FGF10: variants seen among roughly 807,000 people sequenced by gnomAD.
FGF10 encodes FGF-10.
In FGF10, 2 loss-of-function variants were observed where a neutral mutation model predicts 19.8. That is an observed-to-expected ratio of 0.10 (90% CI 0.04 to 0.32). The LOEUF (loss-of-function observed/expected upper bound fraction) is 0.32. FGF10 is among the 10% of genes least tolerant of loss of function. The pLI is 1.00. For missense variants in FGF10, 191 were observed against 246.3 expected (o/e 0.78, Z 1.50); for synonymous variants, 112 against 94.0 (o/e 1.19, Z -1.10).
In FGF10 at chr5:44,354,002, A is replaced by G. The variant is rs946196333; in HGVS notation, c.325+34356T>C. Among the ~76,000 whole-genome samples, 8 of 151,610 alleles carry G rather than the reference A, an allele frequency of 5.3e-5. No individual in the cohort carries two copies. The East Asian group carries it at 1.4e-3, about 26-fold the overall frequency. The stretch of plus-strand genomic sequence containing the variant: ...TTGGTAGCAATACAACCAAGTAATA[A>G]TATAAAGATAGAGTAAGATAGTGAA... On this transcript the variant is annotated intron_variant, in intron 1 of 2. Coordinates refer to ENST00000264664, the MANE Select transcript of FGF10 (RefSeq NM_004465.2).
At chr5:44,328,363 A>T (rs1179887005) in intron 1 of FGF10, among the ~76,000 whole-genome samples, 1 of 152,192 alleles carries the variant, frequency 6.6e-6, no homozygotes. Flanking sequence ...CAAGATACTT[A>T]TTTATCAGAT....
rs770003641 is a variant in FGF10 at position 44,388,345 on chromosome 5, A to G, written c.325+13T>C. On this transcript the variant is annotated intron_variant, in intron 1 of 2. Coordinates refer to ENST00000264664, the MANE Select transcript of FGF10 (RefSeq NM_004465.2). ...GATAATTGGAAGGAGGGGAGCATGC[A>G]TTTGTTACTTACTGTACGGGCAGTT... The G allele has an allele frequency of 1.2e-5, 20 of 1,611,840 alleles. No individual in the cohort carries two copies. The East Asian group carries it at 4.0e-4, about 32-fold the overall frequency.
intron 1 of FGF10, among the ~76,000 whole-genome samples, chr5:44,358,930 C>T (rs1488720512): frequency 6.6e-6 from 1 of 151,474 alleles, no homozygotes; most frequent in Non-Finnish European, 1.5e-5. Flanking sequence ...GGATTACCCT[C>T]CTAAAATAAA....
At chr5:44,376,684 A>G (rs1741875463) in intron 1 of FGF10, among the ~76,000 whole-genome samples, 1 of 151,878 alleles carries the variant, frequency 6.6e-6, no homozygotes, top group African/African-American at 2.4e-5. Context: ...AATCAGAAAT[A>G]TGAAGAATAA....
intron 1 of FGF10, among the ~76,000 whole-genome samples, chr5:44,369,677 A>G (rs1741702369): frequency 6.6e-6 from 1 of 152,130 alleles, no homozygotes; most frequent in Admixed American, 6.5e-5. Context: ...TACAAGAGTG[A>G]GCTGAAAACT....
chr5:44,355,042 T>C (rs905191085), intron 1 of FGF10, among the ~76,000 whole-genome samples: 1 of 151,530 alleles, frequency 6.6e-6, no homozygotes, highest in Non-Finnish European at 1.5e-5. Flanking sequence ...TCTCTTCGCA[T>C]GTACCTAGTC....
At chr5:44,339,852 T>C (rs1229591474) in intron 1 of FGF10, among the ~76,000 whole-genome samples, 1 of 152,176 alleles carries the variant, frequency 6.6e-6, no homozygotes. Flanking sequence ...TTCCTATCAA[T>C]GTCCATCTCT....
At chr5:44,356,849 A>G (rs1318596506) in intron 1 of FGF10, among the ~76,000 whole-genome samples, 1 of 151,334 alleles carries the variant, frequency 6.6e-6, no homozygotes, top group African/African-American at 2.4e-5. Context: ...AGGCAGCCTT[A>G]TCAAACTGAT....
At chr5:44,347,228 T>TA (rs756069393) in intron 1 of FGF10, among the ~76,000 whole-genome samples, 7 of 151,740 alleles carry the variant, frequency 4.6e-5, no homozygotes, top group African/African-American at 7.2e-5. Context: ...GCGTCCTCCC[T>TA]ATGCTTCCTG....
rs1739976557 is a variant in FGF10 at position 44,302,086 on chromosome 5, T to G, written c.*2909A>C. On this transcript the variant is annotated 3_prime_UTR_variant, in exon 3 of 3. Coordinates refer to ENST00000264664, the MANE Select transcript of FGF10 (RefSeq NM_004465.2). ...TCTCAATAGCTCCAATTTTTTTTTT[T>G]TTCAAATCTACAACATTCAGGGCTG... 6.6e-6 allele frequency among the ~76,000 whole-genome samples: 1 copy of G among 152,040 alleles called. No individual in the cohort carries two copies.
chr5:44,336,487 C>T (rs1740855381), intron 1 of FGF10, among the ~76,000 whole-genome samples: 1 of 152,280 alleles, frequency 6.6e-6, no homozygotes, highest in Non-Finnish European at 1.5e-5. Context: ...AATCATATCA[C>T]TTCATTTCCC....
At chr5:44,357,232 C>A (rs1225177180) in intron 1 of FGF10, among the ~76,000 whole-genome samples, 1 of 151,370 alleles carries the variant, frequency 6.6e-6, no homozygotes, top group Admixed American at 6.6e-5. Context: ...AGGGGCCATA[C>A]CAGTGATCTA....
intron 1 of FGF10, among the ~76,000 whole-genome samples, chr5:44,344,568 C>CTCTGTGTGTGTGTGTGTGTGTG (rs1554037820): frequency 6.3e-5 from 8 of 126,790 alleles, no homozygotes; most frequent in Non-Finnish European, 8.1e-5. Context: ...TTTGTTTTCT[C>CTCTGTGTGTGTGTGTGTGTGTG]TGTGTGTGTG....
At chr5:44,368,268 T>C (rs542089054) in intron 1 of FGF10, among the ~76,000 whole-genome samples, 1 of 152,236 alleles carries the variant, frequency 6.6e-6, no homozygotes, top group South Asian at 2.1e-4. Context: ...AATTGATGGA[T>C]GGCATTTTTC....
intron 1 of FGF10, among the ~76,000 whole-genome samples, chr5:44,344,568 C>CTCTCTGTGTGTGTG (rs1554037820): frequency 5.5e-5 from 7 of 126,854 alleles, no homozygotes; most frequent in African/African-American, 2.1e-4. Flanking sequence ...TTTGTTTTCT[C>CTCTCTGTGTGTGTG]TGTGTGTGTG....
At chr5:44,316,358 T>C (rs528137234) in intron 1 of FGF10, among the ~76,000 whole-genome samples, 1 of 152,298 alleles carries the variant, frequency 6.6e-6, no homozygotes, top group African/African-American at 2.4e-5. Context: ...ATATATTTAC[T>C]GTGTGCTCAA....
intron 1 of FGF10, among the ~76,000 whole-genome samples, chr5:44,381,778 TA>T (rs1480038776): frequency 6.6e-6 from 1 of 152,200 alleles, no homozygotes; most frequent in Non-Finnish European, 1.5e-5. Context: ...AATACCTTTT[TA>T]AAAAAGTTCT....
In FGF10 at chr5:44,310,462, A is replaced by C; in HGVS notation, c.394T>G (p.Leu132Val). Reference protein sequence around the residue: ...AVKAINSNYYLAMNKKGKLYG... With the variant: ...AVKAINSNYYVAMNKKGKLYG... The stretch of plus-strand genomic sequence containing the variant: ...AGTTTCCCCTTCTTGTTCATGGCTA[A>C]GTAATAGTTGCTGTTAATGGCTTTG... Residue 132 changes from leucine to valine, a missense_variant, in exon 2 of 3, where the codon TTA becomes GTA. Coordinates refer to ENST00000264664, the MANE Select transcript of FGF10 (RefSeq NM_004465.2). 1 of 1,612,596 alleles carries C rather than the reference A, an allele frequency of 6.2e-7. No individual in the cohort carries two copies. The highest frequency in any genetic ancestry group is 8.5e-7 in the Non-Finnish European group (1 of 1,178,974).
intron 1 of FGF10, among the ~76,000 whole-genome samples, chr5:44,330,793 T>A (rs934176043): frequency 1.3e-5 from 2 of 152,164 alleles, no homozygotes; most frequent in Admixed American, 1.3e-4. Flanking sequence ...GCCTCATCTG[T>A]CTCTTAGAAA....
Sources: allele counts gnomAD v4.1 joint callset (sites outside exome capture counted in the v4.1 genomes callset), GRCh38; gene constraint gnomAD v4.1.1; transcripts MANE v1.5; gene names NCBI Gene and HGNC (gene_info 2026-07-23, HGNC 2026-07-21).